MCU: variants seen among roughly 807,000 people sequenced by gnomAD.
MCU encodes mitochondrial calcium uniporter.
A neutral mutation model predicts 45.2 loss-of-function variants in MCU; 12 were observed. The observed-to-expected ratio is 0.27, with a 90% CI of 0.17 to 0.43. The LOEUF is 0.43. Ranked by LOEUF, MCU falls within the 20% of genes least tolerant of loss-of-function variation. MCU has a pLI of 1.00. For synonymous variants in MCU, 160 were observed against 165.1 expected, an observed-to-expected ratio of 0.97 and a Z score of 0.24; for missense variants, 324 against 436.7, an observed-to-expected ratio of 0.74 and a Z score of 2.30.
intron 1 of MCU, chr10:72,692,598 C>T: frequency 1.8e-6 from 2 of 1,099,986 alleles, no homozygotes; most frequent in Non-Finnish European, 2.2e-6. Context: ...CCGACTCGCC[C>T]CCAATCGCGT....
intron 1 of MCU, among the ~76,000 whole-genome samples, chr10:72,752,007 T>A (rs1017390624): frequency 1.3e-5 from 2 of 151,526 alleles, no homozygotes; most frequent in Non-Finnish European, 2.9e-5. Context: ...GCTGAGCCAA[T>A]TTTTTGTATT....
At chr10:72,718,682 C>T (rs915627633) in intron 1 of MCU, among the ~76,000 whole-genome samples, 5 of 152,142 alleles carry the variant, frequency 3.3e-5, no homozygotes, top group Non-Finnish European at 7.3e-5. Flanking sequence ...CACCAAAAGA[C>T]CTGGACAAAA....
chr10:72,839,880 C>T (rs770061171), intron 2 of MCU, among the ~76,000 whole-genome samples: 10 of 142,846 alleles, frequency 7.0e-5, no homozygotes, highest in Non-Finnish European at 1.4e-4. Flanking sequence ...TGGGGAATGG[C>T]GTGAACCCAG....
At chr10:72,788,270 G>T (rs184202678) in intron 1 of MCU, among the ~76,000 whole-genome samples, 3 of 152,158 alleles carry the variant, frequency 2.0e-5, no homozygotes, top group Non-Finnish European at 4.4e-5. Context: ...TTTCAGCAGC[G>T]CTGAAATGAT....
chr10:72,748,542 C>T (rs965962642), intron 1 of MCU, among the ~76,000 whole-genome samples: 9 of 152,002 alleles, frequency 5.9e-5, no homozygotes, highest in Admixed American at 2.6e-4. Context: ...AATGGCTGGG[C>T]GAGGTGGCTC....
intron 4 of MCU, among the ~76,000 whole-genome samples, chr10:72,866,068 C>T (rs181177726): frequency 1.7e-4 from 26 of 152,150 alleles, no homozygotes; most frequent in Non-Finnish European, 2.5e-4. Context: ...TGAGCCACCA[C>T]GCCCGGCCTT....
chr10:72,808,054 A>G (rs1429307787), intron 1 of MCU, among the ~76,000 whole-genome samples: 1 of 152,204 alleles, frequency 6.6e-6, no homozygotes, highest in African/African-American at 2.4e-5. Flanking sequence ...TCTTTACGGA[A>G]CACTTTTTAG....
intron 1 of MCU, among the ~76,000 whole-genome samples, chr10:72,816,471 C>CA (rs1444677186): frequency 3.9e-5 from 6 of 152,046 alleles, no homozygotes; most frequent in African/African-American, 1.2e-4. Flanking sequence ...TTTAAATAGC[C>CA]AACAACAGTG....
chr10:72,776,757 T>G (rs969300455), intron 1 of MCU, among the ~76,000 whole-genome samples: 1 of 151,710 alleles, frequency 6.6e-6, no homozygotes, highest in East Asian at 1.9e-4. Flanking sequence ...GCATCCAAAT[T>G]GGAAAGAAAG....
chr10:72,705,479 C>G (rs903925245), intron 1 of MCU, among the ~76,000 whole-genome samples: 1 of 150,950 alleles, frequency 6.6e-6, no homozygotes, highest in African/African-American at 2.4e-5. Flanking sequence ...GTCAGGAGTT[C>G]GAGACCAGCC....
chr10:72,717,709 A>G (rs1397075768), intron 1 of MCU, among the ~76,000 whole-genome samples: 4 of 152,194 alleles, frequency 2.6e-5, no homozygotes, highest in Admixed American at 6.5e-5. Context: ...CTTTCCTCAT[A>G]TATCTATGTA....
chr10:72,839,930 C>T (rs1313215189), intron 2 of MCU, among the ~76,000 whole-genome samples: 3 of 143,128 alleles, frequency 2.1e-5, no homozygotes, highest in Non-Finnish European at 3.0e-5. Flanking sequence ...CGCCACTGCA[C>T]TCCAGCCTGG....
chr10:72,816,727 C>T (rs1418203498), intron 1 of MCU, among the ~76,000 whole-genome samples: 1 of 152,180 alleles, frequency 6.6e-6, no homozygotes, highest in African/African-American at 2.4e-5. Context: ...AGCTGCACTC[C>T]AGCCTGAGTG....
chr10:72,740,954 A>C (rs1177926379), intron 1 of MCU, among the ~76,000 whole-genome samples: 2 of 152,244 alleles, frequency 1.3e-5, no homozygotes, highest in Non-Finnish European at 2.9e-5. Context: ...GTATTTTAAT[A>C]GTTATCAACA....
intron 1 of MCU, among the ~76,000 whole-genome samples, chr10:72,748,436 G>A (rs1366997636): frequency 2.0e-5 from 3 of 152,092 alleles, no homozygotes; most frequent in Non-Finnish European, 2.9e-5. Flanking sequence ...TCTGCATTTT[G>A]TTATCTTTTC....
At chr10:72,702,579 A>G (rs1401976875) in intron 1 of MCU, among the ~76,000 whole-genome samples, 3 of 152,260 alleles carry the variant, frequency 2.0e-5, no homozygotes, top group African/African-American at 4.8e-5. Context: ...CAAACAGACT[A>G]TAAATGGCTG....
At chr10:72,777,330 A>G (rs56175915) in intron 1 of MCU, among the ~76,000 whole-genome samples, 1 of 152,342 alleles carries the variant, frequency 6.6e-6, no homozygotes, top group African/African-American at 2.4e-5. Context: ...AAATAGCGTG[A>G]TACTGGCTTA....
chr10:72,728,469 A>G (rs1036924376), intron 1 of MCU, among the ~76,000 whole-genome samples: 8 of 152,262 alleles, frequency 5.3e-5, no homozygotes, highest in African/African-American at 1.9e-4. Flanking sequence ...GATTTCTCTA[A>G]GTTCATGATA....
chr10:72,841,299 GA>G lies in MCU; in HGVS notation c.220+6881del, dbSNP rs199638558. ...AATTTCTTTGCCAAAATAACTACCA[GA>G]AAAAAAAAATTTTTTTTTTGAGATG... On this transcript the variant is annotated intron_variant, in intron 2 of 7. Transcript: ENST00000373053. Among the ~76,000 whole-genome samples the G allele has an allele frequency of 7.7e-4, 116 of 150,478 alleles. 1 individual carries two copies. The East Asian group carries it at 0.014, about 19-fold the overall frequency.
Sources: allele counts gnomAD v4.1 joint callset (sites outside exome capture counted in the v4.1 genomes callset), GRCh38; gene constraint gnomAD v4.1.1; transcripts MANE v1.5; gene names NCBI Gene and HGNC (gene_info 2026-07-23, HGNC 2026-07-21).